WDR62: variants seen among roughly 807,000 people sequenced by gnomAD.
WDR62 encodes WD repeat domain 62.
WDR62 carries 112 observed loss-of-function variants against 160.6 expected under a neutral mutation model. The ratio of observed to expected loss-of-function variants is 0.70; its 90% confidence interval spans 0.60 to 0.82. The LOEUF is 0.82. WDR62 is among the 40% of genes least tolerant of loss of function. WDR62 has a pLI of 0.00. For synonymous variants in WDR62, 792 were observed against 815.1 expected (o/e 0.97, Z 0.48); for missense variants, 1,819 against 1,983.8 (o/e 0.92, Z 1.58).
In WDR62 at chr19:36,082,932, C is replaced by T. The variant is rs1258759941; in HGVS notation, c.1372-131C>T. 1.2e-5 allele frequency: 9 copies of T among 765,550 alleles called. No individual in the cohort carries two copies. In the South Asian group the frequency reaches 1.4e-4, roughly 12 times the overall value. The allele number at this position is 765,550 out of a possible 1,614,324, so 47.4% of individuals were successfully genotyped here. On this transcript the variant is annotated intron_variant, in intron 10 of 31. Coordinates refer to ENST00000401500, the MANE Select transcript of WDR62 (RefSeq NM_001083961.2). Reference sequence around the variant, plus strand: ...CAGGGGAGGCAAGGAAATAATTATTCTGATTGGTGAAACTCCCAGCTCAAA... The same window carrying T: ...CAGGGGAGGCAAGGAAATAATTATTTTGATTGGTGAAACTCCCAGCTCAAA...
chr19:36,088,203 C>T (rs992343134), intron 13 of WDR62, among the ~76,000 whole-genome samples: 4 of 152,102 alleles, frequency 2.6e-5, no homozygotes, highest in Non-Finnish European at 5.9e-5. Context: ...TTTGTTCTGT[C>T]ATTTCATCCT....
chr19:36,074,192 A>G (rs1031317177), intron 9 of WDR62: 3 of 174,752 alleles, frequency 1.7e-5, no homozygotes, highest in African/African-American at 7.1e-5. Context: ...CAGCTACTCA[A>G]GAGGTGGAGG....
At chr19:36,095,592 G>C (rs1972908694) in intron 20 of WDR62, among the ~76,000 whole-genome samples, 1 of 152,204 alleles carries the variant, frequency 6.6e-6, no homozygotes, top group Non-Finnish European at 1.5e-5. Context: ...TCAGGAGTTC[G>C]AGACCAGCCT....
chr19:36,060,237 G>T lies in WDR62; in HGVS notation c.332+207G>T, dbSNP rs965582469. 5.0e-5 allele frequency: 31 copies of T among 616,240 alleles called. No individual in the cohort carries two copies. In the African/African-American group the frequency reaches 5.5e-4, roughly 11 times the overall value. 38.2% of individuals were successfully genotyped at this position (616,240 alleles called of 1,614,324 possible). On this transcript the variant is annotated intron_variant, in intron 3 of 31. Coordinates refer to ENST00000401500, the MANE Select transcript of WDR62 (RefSeq NM_001083961.2). ...GAGACGAGAATCTCTGCTGGCTAGA[G>T]CGAGACAGACTGTAAACTAGTCAGC... is the stretch of plus-strand genomic sequence containing the variant.
intron 30 of WDR62, 36 bp from the exon 31 acceptor site, chr19:36,104,482 C>A: frequency 6.2e-7 from 1 of 1,611,264 alleles, no homozygotes; most frequent in South Asian, 1.1e-5. Context: ...CAATGGAATG[C>A]AGCTCATCTT....
At chr19:36,089,436 TG>T in intron 15 of WDR62, 130 bp downstream of exon 15, 3 of 1,503,390 alleles carry the variant, frequency 2.0e-6, no homozygotes, top group East Asian at 2.3e-5. Context: ...TGTTCCTTCT[TG>T]GTTTTTTTTT....
intron 7 of WDR62, chr19:36,070,091 A>G (rs554106457): frequency 1.3e-5 from 2 of 151,494 alleles, no homozygotes; most frequent in East Asian, 3.9e-4. Flanking sequence ...GGTACCATTG[A>G]TTTAATAACT....
chr19:36,100,725 T>C lies in WDR62; in HGVS notation c.2740-23T>C, dbSNP rs1280624049. On this transcript the variant is annotated intron_variant, in intron 22 of 31. Coordinates refer to ENST00000401500, the MANE Select transcript of WDR62 (RefSeq NM_001083961.2). ...GGCCCCAGCCATGCCTGCCTCAGAA[T>C]GGCTGTGCTGTCTTCCCCATAGTCA... is the stretch of plus-strand genomic sequence containing the variant. 2.5e-6 allele frequency: 4 copies of C among 1,613,460 alleles called. No individual in the cohort carries two copies. The African/African-American group carries it at 4.0e-5, about 16-fold the overall frequency.
At chr19:36,104,449 C>T (rs931383173) in intron 30 of WDR62, 69 bp from the exon 31 acceptor site, 7 of 1,586,840 alleles carry the variant, frequency 4.4e-6, no homozygotes, top group Non-Finnish European at 6.0e-6. Context: ...TGGAGTCCAC[C>T]CAGTCGCTCT....
downstream of WDR62, among the ~76,000 whole-genome samples, chr19:36,110,008 A>G (rs1477895618): frequency 6.6e-6 from 1 of 151,844 alleles, no homozygotes. Flanking sequence ...AGGAGCCAAG[A>G]TCACGCCATT....
At chr19:36,099,746 T>A in intron 22 of WDR62, 129 bp downstream of exon 22, 1 of 941,778 alleles carries the variant, frequency 1.1e-6, no homozygotes, top group South Asian at 1.4e-5. Flanking sequence ...GGCAGGAGGG[T>A]GAGCCCCAGG....
At chr19:36,057,219 T>C (rs537516167) in intron 1 of WDR62, among the ~76,000 whole-genome samples, 29 of 152,334 alleles carry the variant, frequency 1.9e-4, no homozygotes, top group Admixed American at 1.8e-3. Flanking sequence ...AGGTTACATA[T>C]CCTAGGCACT....
At chr19:36,065,417 C>A (rs994204228) in intron 3 of WDR62, among the ~76,000 whole-genome samples, 5 of 152,206 alleles carry the variant, frequency 3.3e-5, no homozygotes, top group African/African-American at 1.2e-4. Context: ...ATCTTGCTGC[C>A]AGAAACCTAC....
intron 3 of WDR62, 84 bp from the exon 4 acceptor site, chr19:36,065,874 C>CA (rs2145576609): frequency 7.4e-6 from 10 of 1,348,234 alleles, no homozygotes; most frequent in Non-Finnish European, 9.6e-6. Flanking sequence ...CAGAAGAGGG[C>CA]AGAGTCCTAT....
At chr19:36,069,100 G>GGAGC (rs1387194196) in intron 7 of WDR62, among the ~76,000 whole-genome samples, 1 of 150,534 alleles carries the variant, frequency 6.6e-6, no homozygotes, top group East Asian at 2.0e-4. Context: ...CCTCCCGGAC[G>GGAGC]GAGCGGCTGG....
chr19:36,097,727 T>TA (rs1421462214), intron 21 of WDR62, among the ~76,000 whole-genome samples: 1 of 149,528 alleles, frequency 6.7e-6, no homozygotes, highest in Non-Finnish European at 1.5e-5. Flanking sequence ...CTACAAAAAA[T>TA]AAAAAAATTA....
intron 21 of WDR62, among the ~76,000 whole-genome samples, chr19:36,099,179 G>A (rs1008271477): frequency 1.6e-4 from 22 of 135,994 alleles, no homozygotes; most frequent in African/African-American, 4.8e-4. Context: ...CCAAGGTCAC[G>A]CCACTGCACT....
intron 7 of WDR62, among the ~76,000 whole-genome samples, chr19:36,069,320 G>A (rs1334068532): frequency 2.0e-5 from 3 of 151,984 alleles, no homozygotes; most frequent in Non-Finnish European, 4.4e-5. Flanking sequence ...CAGATGGGAC[G>A]GCCAGGCAGA....
intron 26 of WDR62, 102 bp from the exon 27 acceptor site, chr19:36,102,635 A>G: frequency 1.0e-6 from 1 of 958,778 alleles, no homozygotes; most frequent in South Asian, 1.4e-5. Context: ...GTGTCTGTAC[A>G]TAAGGGTTTC....
Sources: gnomAD v4.1 joint callset for allele counts (sites outside exome capture counted in the v4.1 genomes callset) on GRCh38, gnomAD v4.1.1 for gene constraint, MANE v1.5 for transcripts, NCBI Gene and HGNC (gene_info 2026-07-23, HGNC 2026-07-21) for gene names.